HIP1: variants seen among roughly 807,000 people sequenced by gnomAD.
HIP1 encodes the protein huntingtin-interacting protein 1.
A neutral mutation model predicts 147.6 loss-of-function variants in HIP1; 65 were observed. That is an observed-to-expected ratio of 0.44 (90% CI 0.36 to 0.54). The LOEUF (loss-of-function observed/expected upper bound fraction) is 0.54, where lower values mean the gene tolerates loss of function less well. HIP1 is among the 20% of genes least tolerant of loss of function. HIP1 has a pLI of 0.00. For missense variants in HIP1, 1,061 were observed against 1,299.6 expected (o/e 0.82, Z 2.82); for synonymous variants, 479 against 504.0 (o/e 0.95, Z 0.67).
At chr7:75,619,825 A>G (rs1797787401) in intron 1 of HIP1, among the ~76,000 whole-genome samples, 1 of 152,212 alleles carries the variant, frequency 6.6e-6, no homozygotes, top group African/African-American at 2.4e-5. Context: ...AAAGCTCAGA[A>G]AAATAGCTCT....
At chr7:75,616,304 C>T (rs587616966) in intron 1 of HIP1, among the ~76,000 whole-genome samples, 54 of 152,042 alleles carry the variant, frequency 3.6e-4, no homozygotes, top group African/African-American at 1.2e-3. Flanking sequence ...GAGTCTTGCT[C>T]TGTTGCCCAG....
At chr7:75,649,483 G>A (rs1245859994) in intron 1 of HIP1, among the ~76,000 whole-genome samples, 1 of 152,134 alleles carries the variant, frequency 6.6e-6, no homozygotes, top group Non-Finnish European at 1.5e-5. Flanking sequence ...GAATCTGAGA[G>A]GGCAAAAATA....
intron 1 of HIP1, chr7:75,639,125 C>A (rs1798551176): frequency 4.1e-6 from 4 of 984,622 alleles, no homozygotes; most frequent in Non-Finnish European, 4.8e-6. Flanking sequence ...CCCAAAGCTG[C>A]TCCCGGCTAA....
intron 1 of HIP1, among the ~76,000 whole-genome samples, chr7:75,687,905 T>G (rs944462136): frequency 4.6e-5 from 7 of 152,088 alleles, no homozygotes; most frequent in African/African-American, 1.7e-4. Context: ...TTCCATGTGA[T>G]GTTTTCACTG....
chr7:75,676,496 G>A (rs1227485444), intron 1 of HIP1, among the ~76,000 whole-genome samples: 1 of 152,178 alleles, frequency 6.6e-6, no homozygotes, highest in East Asian at 1.9e-4. Flanking sequence ...GCCCCCTATG[G>A]CCTGGCGCGG....
chr7:75,554,288 C>A, intron 20 of HIP1, 68 bp from the exon 21 acceptor site: 1 of 1,404,740 alleles, frequency 7.1e-7, no homozygotes, highest in East Asian at 2.3e-5. Context: ...CCTCTCCTCC[C>A]GTTTTATGAG....
At chr7:75,698,820 TA>T (rs11380555) in intron 1 of HIP1, among the ~76,000 whole-genome samples, 369 of 144,218 alleles carry the variant, frequency 2.6e-3, no homozygotes, top group Middle Eastern at 3.6e-3. Flanking sequence ...CCCTGCCTCT[TA>T]AAAAAAAAAA....
At chr7:75,598,311 C>G (rs1158854389) in intron 2 of HIP1, among the ~76,000 whole-genome samples, 1 of 151,394 alleles carries the variant, frequency 6.6e-6, no homozygotes. Context: ...GCACAAGAAT[C>G]GCTTGAATCC....
chr7:75,653,657 G>C (rs1799063291), intron 1 of HIP1, among the ~76,000 whole-genome samples: 1 of 151,900 alleles, frequency 6.6e-6, no homozygotes, highest in Admixed American at 6.6e-5. Context: ...TCAGGAGTTT[G>C]AGACTAGCCT....
intron 25 of HIP1, among the ~76,000 whole-genome samples, chr7:75,545,855 C>A (rs1794541469): frequency 6.6e-6 from 1 of 151,992 alleles, no homozygotes; most frequent in Non-Finnish European, 1.5e-5. Flanking sequence ...GCAGGAGAAT[C>A]GCTTGAACCC....
At chr7:75,672,016 T>A (rs1799743005) in intron 1 of HIP1, among the ~76,000 whole-genome samples, 1 of 152,206 alleles carries the variant, frequency 6.6e-6, no homozygotes, top group African/African-American at 2.4e-5. Context: ...ATTACAGGCG[T>A]GAGCCACTGT....
chr7:75,724,671 G>A (rs1305606561), intron 1 of HIP1, among the ~76,000 whole-genome samples: 1 of 152,204 alleles, frequency 6.6e-6, no homozygotes, highest in East Asian at 1.9e-4. Context: ...TCTGCTAGAT[G>A]CTGGGGCAAT....
intron 1 of HIP1, among the ~76,000 whole-genome samples, chr7:75,728,692 G>A (rs1344125786): frequency 2.6e-5 from 4 of 150,946 alleles, no homozygotes; most frequent in African/African-American, 9.7e-5. Context: ...TTCTTAACGT[G>A]CAGCACCAAC....
intron 1 of HIP1, among the ~76,000 whole-genome samples, chr7:75,676,724 C>T (rs1799902835): frequency 6.6e-6 from 1 of 150,490 alleles, no homozygotes; most frequent in Non-Finnish European, 1.5e-5. Context: ...TGCAGTGGGC[C>T]GAGATCGTGC....
chr7:75,624,820 CATTT>C (rs782526205), intron 1 of HIP1, among the ~76,000 whole-genome samples: 1 of 152,174 alleles, frequency 6.6e-6, no homozygotes, highest in Non-Finnish European at 1.5e-5. Flanking sequence ...AAACCATCTC[CATTT>C]ATTTAAGTTC....
intron 1 of HIP1, among the ~76,000 whole-genome samples, chr7:75,732,892 C>T (rs1277635301): frequency 6.6e-6 from 1 of 152,114 alleles, no homozygotes. Context: ...GTTTCGGGGC[C>T]TGACCACATC....
At position 75,628,475 on chromosome 7, in the gene HIP1, C is replaced by CTT. The variant is rs71098044; in HGVS notation, c.121-29230_121-29229dup. On this transcript the variant is annotated intron_variant, in intron 1 of 30. Coordinates refer to ENST00000336926, the MANE Select transcript of HIP1 (RefSeq NM_005338.7). ...TATTATAATTTTATCTCCTGTACCT[C>CTT]TTTTTTTTTTTTTTTTTTTTTGAGA... Among the ~76,000 whole-genome samples the CTT allele has an allele frequency of 1.4e-3, 187 of 132,592 alleles. 1 individual carries two copies. The highest frequency in any genetic ancestry group is 2.3e-3 in the East Asian group (11 of 4,706). 87.0% of individuals were successfully genotyped at this position (132,592 alleles called of 152,430 possible). A position where few individuals can be genotyped will look rare whatever the true frequency, so the allele number is the denominator to read the frequency against.
intron 1 of HIP1, chr7:75,611,879 C>T: frequency 9.8e-7 from 1 of 1,017,130 alleles, no homozygotes; most frequent in Non-Finnish European, 1.2e-6. Context: ...TTTCTCCCAG[C>T]CTCTCTTCCT....
At chr7:75,731,778 G>GCCAACTGAT (rs1801845038) in intron 1 of HIP1, among the ~76,000 whole-genome samples, 1 of 152,058 alleles carries the variant, frequency 6.6e-6, no homozygotes, top group Non-Finnish European at 1.5e-5. Flanking sequence ...AACCAACTGA[G>GCCAACTGAT]CCACCCAAAG....
Sources: gnomAD v4.1 joint callset for allele counts (sites outside exome capture counted in the v4.1 genomes callset) on GRCh38, gnomAD v4.1.1 for gene constraint, MANE v1.5 for transcripts, NCBI Gene and HGNC (gene_info 2026-07-23, HGNC 2026-07-21) for gene names.